The following RAB28 variants were observed in gnomAD, a reference collection of about 807,000 sequenced individuals.
RAB28 encodes ras-related protein Rab-28.
RAB28 carries 24 observed loss-of-function variants against 31.7 expected under a neutral mutation model. The observed-to-expected ratio is 0.76, with a 90% confidence interval of 0.55 to 1.06. RAB28 has a LOEUF of 1.06. Among genes scored for constraint, RAB28 ranks in the 50% least tolerant of loss-of-function variants. The pLI is 0.00. For missense variants in RAB28, 254 were observed against 258.5 expected (o/e 0.98, Z 0.12); for synonymous variants, 100 against 90.4 (o/e 1.11, Z -0.60).
At chr4:13,457,809 T>C (rs1393361228) in intron 4 of RAB28, among the ~76,000 whole-genome samples, 2 of 152,164 alleles carry the variant, frequency 1.3e-5, no homozygotes, top group African/African-American at 2.4e-5. Flanking sequence ...CCTCACAGGA[T>C]AGCATACATA....
chr4:13,455,433 A>T (rs868613212), intron 4 of RAB28, among the ~76,000 whole-genome samples: 1 of 152,206 alleles, frequency 6.6e-6, no homozygotes, highest in East Asian at 1.9e-4. Flanking sequence ...GTCACAGCCG[A>T]TCATGGGCCC....
At chr4:13,400,949 C>T (rs528697905) in intron 4 of RAB28, among the ~76,000 whole-genome samples, 1 of 152,212 alleles carries the variant, frequency 6.6e-6, no homozygotes, top group Non-Finnish European at 1.5e-5. Context: ...CTTTGTATTG[C>T]TTGATTCAAT....
intron 4 of RAB28, among the ~76,000 whole-genome samples, chr4:13,396,173 G>T (rs1729866056): frequency 6.6e-6 from 1 of 151,910 alleles, no homozygotes; most frequent in Non-Finnish European, 1.5e-5. Flanking sequence ...TAACTTAAAA[G>T]AAGTAAAAGC....
At chr4:13,433,564 A>T (rs1246851509) in intron 4 of RAB28, among the ~76,000 whole-genome samples, 1 of 152,220 alleles carries the variant, frequency 6.6e-6, no homozygotes, top group African/African-American at 2.4e-5. Context: ...AAAAATGCCC[A>T]ACATCACTAA....
chr4:13,381,733 A>AC (rs1729138890), intron 4 of RAB28, 139 bp from the exon 5 acceptor site: 1 of 568,638 alleles, frequency 1.8e-6, no homozygotes, highest in Admixed American at 3.4e-5. Context: ...AATTTATTAA[A>AC]CCTCTTTATG....
chr4:13,417,660 A>C (rs1306233545), intron 4 of RAB28, among the ~76,000 whole-genome samples: 2 of 152,180 alleles, frequency 1.3e-5, no homozygotes, highest in Non-Finnish European at 2.9e-5. Flanking sequence ...GAGGGACTGG[A>C]CTCTTAGAAG....
intron 4 of RAB28, among the ~76,000 whole-genome samples, chr4:13,415,191 A>C (rs1712678010): frequency 6.6e-6 from 1 of 152,214 alleles, no homozygotes; most frequent in Non-Finnish European, 1.5e-5. Context: ...ATTCACAATC[A>C]CATATAAATG....
chr4:13,393,996 T>C (rs182800251), intron 4 of RAB28, among the ~76,000 whole-genome samples: 23 of 152,162 alleles, frequency 1.5e-4, no homozygotes, highest in African/African-American at 4.8e-4. Context: ...GGGAGCAATA[T>C]AGACATTATC....
At chr4:13,385,739 G>A (rs973910318) in intron 4 of RAB28, among the ~76,000 whole-genome samples, 6 of 152,012 alleles carry the variant, frequency 3.9e-5, no homozygotes, top group African/African-American at 9.7e-5. Context: ...TTAAGTACAC[G>A]GACCACTGAT....
chr4:13,386,168 C>A (rs538852746), intron 4 of RAB28, among the ~76,000 whole-genome samples: 1 of 151,974 alleles, frequency 6.6e-6, no homozygotes, highest in East Asian at 1.9e-4. Flanking sequence ...GCAAGACAAC[C>A]TAAGCAAAAC....
chr4:13,415,323 C>T (rs1223534274), intron 4 of RAB28, among the ~76,000 whole-genome samples: 1 of 152,208 alleles, frequency 6.6e-6, no homozygotes, highest in African/African-American at 2.4e-5. Context: ...AAGTGCCCGC[C>T]GCTGGGCTGT....
chr4:13,378,969 G>A (rs951661571), intron 5 of RAB28, among the ~76,000 whole-genome samples: 8 of 152,068 alleles, frequency 5.3e-5, no homozygotes, highest in African/African-American at 1.9e-4. Context: ...CCAACACTTT[G>A]GGAGACTGAG....
At chr4:13,378,895 T>A (rs1045431119) in intron 5 of RAB28, among the ~76,000 whole-genome samples, 9 of 151,974 alleles carry the variant, frequency 5.9e-5, no homozygotes, top group Admixed American at 3.9e-4. Context: ...GTTTGAACAT[T>A]TGAAGAGAGA....
At chr4:13,471,133 T>C (rs1290845803) in intron 3 of RAB28, among the ~76,000 whole-genome samples, 1 of 152,064 alleles carries the variant, frequency 6.6e-6, no homozygotes, top group African/African-American at 2.4e-5. Flanking sequence ...CTGAAAAAGC[T>C]TGTCTCAACA....
chr4:13,459,181 G>A (rs982695962), intron 4 of RAB28, among the ~76,000 whole-genome samples: 2 of 152,138 alleles, frequency 1.3e-5, no homozygotes, highest in African/African-American at 2.4e-5. Context: ...GTTTGCCAGC[G>A]GCTCTCAGGT....
intron 6 of RAB28, chr4:13,370,785 A>T (rs1377108416): frequency 1.0e-6 from 1 of 981,754 alleles, no homozygotes; most frequent in African/African-American, 1.7e-5. Context: ...TAAAAAAAAA[A>T]TCACAAGGTA....
At chr4:13,394,779 A>G (rs1729798323) in intron 4 of RAB28, among the ~76,000 whole-genome samples, 1 of 152,162 alleles carries the variant, frequency 6.6e-6, no homozygotes, top group Non-Finnish European at 1.5e-5. Flanking sequence ...GCACAATATG[A>G]TTTTGCATTT....
chr4:13,370,051 A>G (rs1325229541), intron 6 of RAB28: 1 of 1,516,414 alleles, frequency 6.6e-7, no homozygotes, highest in Non-Finnish European at 8.8e-7. Context: ...CAATGACTGA[A>G]TATAGAAGGA....
chr4:13,474,310 T>C lies in RAB28; in HGVS notation c.261+8A>G. 6.5e-7 allele frequency: 1 copy of C among 1,548,584 alleles called. No individual in the cohort carries two copies. The highest frequency in any genetic ancestry group is 8.9e-7 in the Non-Finnish European group (1 of 1,124,910). On this transcript the variant is annotated splice_region_variant and intron_variant, in intron 3 of 6. Transcript: ENST00000330852. ...TCAATACTGGAATAATCAGAATTCA[T>C]ATCATACCTGTGCTCCATAGATATA...
Sources: gnomAD v4.1 joint callset for allele counts (sites outside exome capture counted in the v4.1 genomes callset) on GRCh38, gnomAD v4.1.1 for gene constraint, MANE v1.5 for transcripts, NCBI Gene and HGNC (gene_info 2026-07-23, HGNC 2026-07-21) for gene names.